Variants in PPL observed in about 807,000 individuals in gnomAD.
The protein encoded by PPL is periplakin.
PPL carries 198 observed loss-of-function variants against 194.4 expected under a neutral mutation model. The observed-to-expected ratio is 1.02, with a 90% CI of 0.91 to 1.15. The LOEUF is 1.15. PPL is among the 50% of genes most tolerant of loss of function. The pLI, the probability that PPL is intolerant of heterozygous loss-of-function variation, is 0.00. For missense variants in PPL, 2,885 were observed against 2,294.8 expected (o/e 1.26, Z -5.25); for synonymous variants, 1,220 against 972.4 (o/e 1.25, Z -4.74).
Position 4,892,177 on chromosome 16 carries a change from T to C in PPL, c.1687A>G (p.Lys563Glu), listed in dbSNP as rs1343802405. Residue 563 changes from lysine (K) to glutamate (E), a missense_variant, in exon 15 of 22, where the codon AAG becomes GAG. Physicochemically the swap from Lys to Glu is moderately conservative, Grantham distance 56. Coordinates refer to ENST00000345988, the MANE Select transcript of PPL (RefSeq NM_002705.5). ...TNELLRIEPEKTRSTAEGEAF... is the reference protein window; with the variant it reads ...TNELLRIEPEETRSTAEGEAF... ...TCGCCCTCAGCCGTGCTCCGCGTCT[T>C]CTCAGGTTCAATCCGCAGTAGCTCG... 3 of 1,613,560 alleles carry C rather than the reference T, an allele frequency of 1.9e-6. No individual in the cohort carries two copies. Among genetic ancestry groups the C allele is most frequent in the African/African-American group, 2.7e-5 (2 of 74,922 alleles).
In PPL at chr16:4,890,869, T is replaced by G; in HGVS notation, c.2021A>C (p.Gln674Pro). 1 of 1,552,200 alleles carries G rather than the reference T, an allele frequency of 6.4e-7. No individual in the cohort carries two copies. Among genetic ancestry groups the G allele is most frequent in the Non-Finnish European group, 8.7e-7 (1 of 1,145,882 alleles). The change falls in exon 17 of 22, where the codon CAG becomes CCG. Residue 674 changes from glutamine to proline, a missense_variant. Gln to Pro is a moderately conservative substitution (Grantham distance 76, BLOSUM62 -1). Transcript: ENST00000345988. ...GCACTGCTTGGCCGCCTGCAAGTTC[T>G]GCTCCACCTCACCCAGGAGGGACTT... Reference protein sequence around the residue: ...AQKSLLGEVEQNLQAAKQCSS... With the variant: ...AQKSLLGEVEPNLQAAKQCSS...
Position 4,909,786 on chromosome 16 carries a change from C to T in PPL, c.162+1064G>A, listed in dbSNP as rs111622842. Among the ~76,000 whole-genome samples the T allele has an allele frequency of 3.1e-3, 479 of 152,314 alleles. 3 individuals carry two copies. Among genetic ancestry groups the T allele is most frequent in the African/African-American group, 0.01 (418 of 41,564 alleles). On this transcript the variant is annotated intron_variant, in intron 2 of 21. Transcript: ENST00000345988. ...GGATGCCAGATGAAATACAGATCAC[C>T]ACTTACACTTGATTTTCAGATAAAC...
At chr16:4,888,537 T>C (rs1023298437) in intron 19 of PPL, among the ~76,000 whole-genome samples, 2 of 152,228 alleles carry the variant, frequency 1.3e-5, no homozygotes, top group Non-Finnish European at 2.9e-5. Context: ...ACCATAACCC[T>C]GTCTCACCTT....
chr16:4,894,850 G>A (rs1305505106), intron 11 of PPL, among the ~76,000 whole-genome samples: 1 of 152,180 alleles, frequency 6.6e-6, no homozygotes, highest in African/African-American at 2.4e-5. Context: ...CCCAGTCCCT[G>A]TGGTCTCTCC....
chr16:4,884,810 G>C lies in PPL; in HGVS notation c.3845C>G (p.Thr1282Ser), dbSNP rs200663441. ...LKKEIQALKD[T>S]KPQVQTKEVV... is the part of the protein sequence containing the mutation. ...CTCTTTGGTCTGGACCTGGGGTTTG[G>C]TGTCTTTCAGGGCCTGGATTTCCTT... Residue 1282 changes from threonine to serine, a missense_variant, in exon 22 of 22, where the codon ACC becomes AGC. Thr to Ser is a moderately conservative substitution (Grantham distance 58). Transcript: ENST00000345988. This position sits in a 1 kb window ranked among gnomAD's most constrained non-coding sequence, Gnocchi z 5.7. 36 of 1,614,136 alleles carry C rather than the reference G, an allele frequency of 2.2e-5. No individual in the cohort carries two copies. The highest frequency in any genetic ancestry group is 1.3e-4 in the South Asian group (12 of 91,088).
chr16:4,935,207 G>A (rs968534425), intron 1 of PPL, among the ~76,000 whole-genome samples: 4 of 152,134 alleles, frequency 2.6e-5, no homozygotes, highest in African/African-American at 9.7e-5. Context: ...TCATGCTTCT[G>A]GGAAAGCCCG....
At position 4,884,609 on chromosome 16, in the gene PPL, C is replaced by G; in HGVS notation, c.4046G>C (p.Arg1349Thr). 6.2e-7 allele frequency: 1 copy of G among 1,614,166 alleles called. No homozygotes were observed. Among genetic ancestry groups the G allele is most frequent in the Non-Finnish European group, 8.5e-7 (1 of 1,180,036 alleles). The change falls in exon 22 of 22, where the codon AGG becomes ACG. Residue 1349 changes from arginine to threonine, a missense_variant. Transcript: ENST00000345988. This position sits in a 1 kb window ranked among gnomAD's most constrained non-coding sequence, Gnocchi z 5.7. ...CCTGACCACCTCCTGCTGCACCACC[C>G]TTTCCTTCACCCGCGAGAGCTCCTC... ...KEEELSRVKE[R>T]VVQQEVVRYE...
At position 4,916,660 on chromosome 16, in the gene PPL, G is replaced by A. The variant is rs143579038; in HGVS notation, c.63-5711C>T. Among the ~76,000 whole-genome samples the A allele has an allele frequency of 5.4e-3, 689 of 128,616 alleles. 2 individuals are homozygous for A. Among genetic ancestry groups the A allele is most frequent in the Middle Eastern group, 7.5e-3 (2 of 266 alleles). The allele number at this position is 128,616 out of a possible 152,430, so 84.4% of individuals were successfully genotyped here. On this transcript the variant is annotated intron_variant, in intron 1 of 21. Coordinates refer to ENST00000345988, the MANE Select transcript of PPL (RefSeq NM_002705.5). ...ACTGCGACTACAGGCGCCTGGCACC[G>A]TGCCCAGCTAATTTTTTTTTTTTTT... is the stretch of plus-strand genomic sequence containing the variant.
intron 20 of PPL, 44 bp downstream of exon 20, chr16:4,888,058 G>T (rs2088246376): frequency 1.4e-6 from 2 of 1,411,930 alleles, no homozygotes; most frequent in South Asian, 1.2e-5. Flanking sequence ...AGGGCAGCTT[G>T]GCCTCCACCT....
intron 2 of PPL, 118 bp downstream of exon 2, chr16:4,910,732 G>A (rs2088801860): frequency 2.2e-6 from 2 of 902,186 alleles, no homozygotes; most frequent in African/African-American, 1.6e-5. Context: ...GTCTCTGCAT[G>A]TTCCCTCGGG....
intron 1 of PPL, among the ~76,000 whole-genome samples, chr16:4,920,060 T>A (rs1409883264): frequency 6.6e-6 from 1 of 151,414 alleles, no homozygotes; most frequent in Non-Finnish European, 1.5e-5. Context: ...CCGAGGCAGG[T>A]GGATCACGAG....
chr16:4,904,146 C>G (rs895321665), intron 2 of PPL, 106 bp from the exon 3 acceptor site: 1 of 1,224,782 alleles, frequency 8.2e-7, no homozygotes, highest in Non-Finnish European at 1.1e-6. Flanking sequence ...CCCCTTCTTT[C>G]CCTTTGAATA....
intron 1 of PPL, among the ~76,000 whole-genome samples, chr16:4,931,395 T>C (rs1392258167): frequency 6.6e-6 from 1 of 151,648 alleles, no homozygotes. Flanking sequence ...TTAAAAAAAA[T>C]AGGTTGGGGT....
At chr16:4,920,907 T>C (rs2089036645) in intron 1 of PPL, among the ~76,000 whole-genome samples, 1 of 152,142 alleles carries the variant, frequency 6.6e-6, no homozygotes, top group Non-Finnish European at 1.5e-5. Context: ...CCTGGCTCAT[T>C]TACATTGTTT....
At chr16:4,921,076 G>T (rs1299917468) in intron 1 of PPL, among the ~76,000 whole-genome samples, 1 of 152,180 alleles carries the variant, frequency 6.6e-6, no homozygotes, top group African/African-American at 2.4e-5. Flanking sequence ...ACCTCGAGTC[G>T]ACTGAGGCTG....
intron 2 of PPL, among the ~76,000 whole-genome samples, chr16:4,910,604 T>G (rs1181227722): frequency 1.3e-5 from 2 of 152,126 alleles, no homozygotes; most frequent in Non-Finnish European, 2.9e-5. Flanking sequence ...AGAGCAGGGC[T>G]TCCTGACCTT....
At chr16:4,892,883 T>G in intron 14 of PPL, 1 of 233,522 alleles carries the variant, frequency 4.3e-6, no homozygotes, top group Non-Finnish European at 8.3e-6. Context: ...AGGCCTGGAG[T>G]TTATAAATAC....
chr16:4,923,019 G>A (rs899723609), intron 1 of PPL, among the ~76,000 whole-genome samples: 16 of 152,342 alleles, frequency 1.1e-4, no homozygotes, highest in African/African-American at 3.1e-4. Flanking sequence ...CGCTTCAGCT[G>A]TCTTGGGTTT....
In PPL at chr16:4,885,762, G is replaced by C; in HGVS notation, c.2893C>G (p.Gln965Glu). The change falls in exon 22 of 22, where the codon CAG becomes GAG. Residue 965 changes from glutamine to glutamate, a missense_variant. Transcript: ENST00000345988. This position sits in a 1 kb window ranked among gnomAD's most constrained non-coding sequence, Gnocchi z 6.3. ...RTLAEEQHKN[Q>E]LLQEELEALQ... ...GCCTCCAGCTCCTCCTGCAGCAGCT[G>C]GTTCTTGTGCTGCTCCTCTGCCAGC... 1 of 1,612,172 alleles carries C rather than the reference G, an allele frequency of 6.2e-7. No individual in the cohort carries two copies. The highest frequency in any genetic ancestry group is 8.5e-7 in the Non-Finnish European group (1 of 1,179,980).
Sources: gnomAD v4.1 joint callset for allele counts (sites outside exome capture counted in the v4.1 genomes callset) on GRCh38, gnomAD v4.1.1 for gene constraint, Gnocchi (gnomAD v3.1) non-coding constraint, MANE v1.5 for transcripts, NCBI Gene and HGNC (gene_info 2026-07-23, HGNC 2026-07-21) for gene names.